PARD3B: variants seen among roughly 807,000 people sequenced by gnomAD.
The protein encoded by PARD3B is partitioning defective 3 homolog B.
Under a neutral mutation model 130.2 loss-of-function variants are expected in PARD3B, and 103 were observed. The observed-to-expected ratio is 0.79, with a 90% confidence interval of 0.67 to 0.93. The LOEUF is 0.93. Among genes scored for constraint, PARD3B ranks in the 40% least tolerant of loss-of-function variants. The pLI is 0.00. For missense variants in PARD3B, 1,609 were observed against 1,499.2 expected, an observed-to-expected ratio of 1.07 and a Z score of -1.21; for synonymous variants, 583 against 553.2, an observed-to-expected ratio of 1.05 and a Z score of -0.76.
chr2:205,131,511 T>C (rs1043536852), intron 10 of PARD3B, among the ~76,000 whole-genome samples: 6 of 152,156 alleles, frequency 3.9e-5, no homozygotes, highest in African/African-American at 1.4e-4. Context: ...AGAAGCTTCA[T>C]CTGAAGATGT....
intron 2 of PARD3B, among the ~76,000 whole-genome samples, chr2:204,925,247 A>G (rs1687508497): frequency 6.6e-6 from 1 of 152,122 alleles, no homozygotes; most frequent in Non-Finnish European, 1.5e-5. Context: ...CTTGGCAGCT[A>G]GATAGCTTGA....
rs1701217605 is a variant in PARD3B at position 205,078,649 on chromosome 2, G to A, written c.505-25777G>A. 2.0e-5 allele frequency among the ~76,000 whole-genome samples: 3 copies of A among 152,190 alleles called. No individual in the cohort carries two copies. Among genetic ancestry groups the A allele is most frequent in the African/African-American group, 7.2e-5 (3 of 41,448 alleles). On this transcript the variant is annotated intron_variant, in intron 4 of 22. Transcript: ENST00000406610. This position sits in a 1 kb window ranked among gnomAD's most constrained non-coding sequence, Gnocchi z 4.0. The stretch of plus-strand genomic sequence containing the variant: ...TTTGACACTGTTTCAGTGAAGAGCT[G>A]AGGTCTAATGTCCTCTCTTCTTGAA...
chr2:205,195,999 C>T (rs1202778048), intron 15 of PARD3B, among the ~76,000 whole-genome samples: 1 of 152,146 alleles, frequency 6.6e-6, no homozygotes, highest in African/African-American at 2.4e-5. Context: ...GTTAATGAGT[C>T]ATTGTTCATC....
At chr2:205,582,657 G>C (rs939862219) in intron 22 of PARD3B, among the ~76,000 whole-genome samples, 1 of 151,280 alleles carries the variant, frequency 6.6e-6, no homozygotes, top group Non-Finnish European at 1.5e-5. Flanking sequence ...AGAGCAACAA[G>C]GAAGGTTATT....
intron 2 of PARD3B, among the ~76,000 whole-genome samples, chr2:204,953,275 C>A (rs1689946971): frequency 6.6e-6 from 1 of 151,954 alleles, no homozygotes; most frequent in South Asian, 2.1e-4. Context: ...AAATGTTATT[C>A]AACCATATGA....
In PARD3B at chr2:204,887,012, G is replaced by C. The variant is rs1469854679; in HGVS notation, c.223-78140G>C. 6.6e-6 allele frequency among the ~76,000 whole-genome samples: 1 copy of C among 152,162 alleles called. No individual in the cohort carries two copies. The highest frequency in any genetic ancestry group is 1.5e-5 in the Non-Finnish European group (1 of 68,028). ...CACAGGGTATGTATCATTATACTGAGTGTTTTATGCAGAAAACCCTTTGAG... is the reference window on the plus strand; with the variant it reads ...CACAGGGTATGTATCATTATACTGACTGTTTTATGCAGAAAACCCTTTGAG... On this transcript the variant is annotated intron_variant, in intron 2 of 22. Transcript: ENST00000406610. The surrounding 1 kb of genome is among the most constrained non-coding windows in gnomAD (Gnocchi z 4.2).
chr2:204,962,451 C>G (rs114354762), intron 2 of PARD3B, among the ~76,000 whole-genome samples: 45 of 152,130 alleles, frequency 3.0e-4, no homozygotes, highest in Middle Eastern at 3.4e-3. Flanking sequence ...TCATGTTCAG[C>G]GCATCTCTGT....
At chr2:204,952,587 TTAAAA>T (rs1281151578) in intron 2 of PARD3B, among the ~76,000 whole-genome samples, 4 of 151,884 alleles carry the variant, frequency 2.6e-5, no homozygotes, top group Non-Finnish European at 1.5e-5. Context: ...TTCAGTATAC[TTAAAA>T]TAAAAAGTAC....
chr2:204,698,808 G>A (rs1017202059), intron 2 of PARD3B, among the ~76,000 whole-genome samples: 2 of 151,876 alleles, frequency 1.3e-5, no homozygotes, highest in Non-Finnish European at 2.9e-5. Context: ...AAATTGTAGC[G>A]TTCCTCCTTT....
chr2:204,869,971 A>C (rs577136324), intron 2 of PARD3B, among the ~76,000 whole-genome samples: 1 of 152,182 alleles, frequency 6.6e-6, no homozygotes, highest in Non-Finnish European at 1.5e-5. Flanking sequence ...TGGTCAGCAT[A>C]GTGTTTTCTG....
intron 18 of PARD3B, among the ~76,000 whole-genome samples, chr2:205,373,229 A>G (rs972606943): frequency 6.6e-6 from 1 of 152,126 alleles, no homozygotes; most frequent in Non-Finnish European, 1.5e-5. Context: ...GAAGATGAAA[A>G]TCAAACCTTA....
intron 3 of PARD3B, among the ~76,000 whole-genome samples, chr2:204,974,877 A>C (rs1559316518): frequency 6.6e-6 from 1 of 152,234 alleles, no homozygotes; most frequent in Admixed American, 6.5e-5. Flanking sequence ...TTTATTGATA[A>C]CCCAGTAGAT....
In PARD3B at chr2:205,572,557, C is replaced by G. The variant is rs750133651; in HGVS notation, c.3260+19154C>G. ...CTCAGGAGTTTGAGACCACCCCAAA[C>G]AACATGGTGAAACCTCATCTCTACT... On this transcript the variant is annotated intron_variant, in intron 22 of 22. Coordinates refer to ENST00000406610, the MANE Select transcript of PARD3B (RefSeq NM_001302769.2). The surrounding 1 kb of genome is among the most constrained non-coding windows in gnomAD (Gnocchi z 4.2). Among the ~76,000 whole-genome samples, 1 of 152,138 alleles carries G rather than the reference C, an allele frequency of 6.6e-6. No homozygotes were observed. Among genetic ancestry groups the G allele is most frequent in the Non-Finnish European group, 1.5e-5 (1 of 68,028 alleles).
chr2:205,226,101 G>A (rs2038526437), intron 15 of PARD3B, among the ~76,000 whole-genome samples: 1 of 152,200 alleles, frequency 6.6e-6, no homozygotes, highest in Non-Finnish European at 1.5e-5. Context: ...GAGTGCAGTG[G>A]CACAATCTCT....
At chr2:204,718,750 G>A (rs113744113) in intron 2 of PARD3B, among the ~76,000 whole-genome samples, 308 of 152,264 alleles carry the variant, frequency 2.0e-3, no homozygotes, top group African/African-American at 6.9e-3. Flanking sequence ...GCTTTCTTTA[G>A]TTTATCTCTG....
intron 19 of PARD3B, among the ~76,000 whole-genome samples, chr2:205,415,376 G>A (rs1248709189): frequency 6.6e-6 from 1 of 152,112 alleles, no homozygotes; most frequent in Non-Finnish European, 1.5e-5. Context: ...GCCGAGAAAG[G>A]TAGTAAGTGA....
intron 18 of PARD3B, among the ~76,000 whole-genome samples, chr2:205,389,655 A>G (rs186290176): frequency 7.7e-4 from 118 of 152,314 alleles, no homozygotes; most frequent in Middle Eastern, 3.4e-3. Flanking sequence ...GTTATTTAAA[A>G]TTCTCTTAAT....
intron 2 of PARD3B, among the ~76,000 whole-genome samples, chr2:204,791,893 G>A (rs926977073): frequency 3.3e-5 from 5 of 152,086 alleles, no homozygotes; most frequent in African/African-American, 4.8e-5. Flanking sequence ...AATCCACATC[G>A]CTTATGCACT....
intron 2 of PARD3B, among the ~76,000 whole-genome samples, chr2:204,742,545 A>C (rs899242660): frequency 6.6e-6 from 1 of 152,140 alleles, no homozygotes; most frequent in African/African-American, 2.4e-5. Flanking sequence ...AATAGAGCAA[A>C]AGCTGTTGCT....
Sources: gnomAD v4.1 joint callset for allele counts (sites outside exome capture counted in the v4.1 genomes callset) on GRCh38, gnomAD v4.1.1 for gene constraint, Gnocchi (gnomAD v3.1) non-coding constraint, MANE v1.5 for transcripts, NCBI Gene and HGNC (gene_info 2026-07-23, HGNC 2026-07-21) for gene names.